The following ARAP2 variants were observed in gnomAD, a reference collection of about 807,000 sequenced individuals.
ARAP2 encodes ArfGAP with RhoGAP domain, ankyrin repeat and PH domain 2.
ARAP2 carries 148 observed loss-of-function variants against 194.5 expected under a neutral mutation model. The observed-to-expected ratio is 0.76, with a 90% CI of 0.67 to 0.87. The LOEUF (loss-of-function observed/expected upper bound fraction) is 0.87, where lower values mean the gene tolerates loss of function less well. Ranked by LOEUF, ARAP2 falls within the 40% of genes least tolerant of loss-of-function variation. ARAP2 has a pLI of 0.00. For synonymous variants in ARAP2, 695 were observed against 683.5 expected (o/e 1.02, Z -0.26); for missense variants, 2,128 against 1,989.7 (o/e 1.07, Z -1.32).
chr4:36,151,586 A>G (rs1488914343), intron 15 of ARAP2, among the ~76,000 whole-genome samples: 1 of 152,200 alleles, frequency 6.6e-6, no homozygotes, highest in Non-Finnish European at 1.5e-5. Context: ...TCTATATATT[A>G]GATATAATGG....
At chr4:36,120,794 AG>A (rs1267039379) in intron 23 of ARAP2, among the ~76,000 whole-genome samples, 1 of 151,726 alleles carries the variant, frequency 6.6e-6, no homozygotes, top group Non-Finnish European at 1.5e-5. Flanking sequence ...CACAACTAAA[AG>A]AAAAAACCAA....
intron 5 of ARAP2, among the ~76,000 whole-genome samples, chr4:36,033,680 T>C (rs763969684): frequency 2.0e-5 from 3 of 152,176 alleles, no homozygotes; most frequent in Non-Finnish European, 2.9e-5. Flanking sequence ...TATTTGCTTT[T>C]TTTGTGATTG....
At chr4:36,214,350 A>G (rs1481975742) in intron 3 of ARAP2, 72 bp downstream of exon 3, 4 of 1,313,212 alleles carry the variant, frequency 3.0e-6, no homozygotes, top group Non-Finnish European at 4.2e-6. Flanking sequence ...TGCCTTCGCA[A>G]TCATGATTTT....
chr4:36,178,802 T>C (rs1259467993), intron 8 of ARAP2, among the ~76,000 whole-genome samples: 1 of 152,182 alleles, frequency 6.6e-6, no homozygotes, highest in Non-Finnish European at 1.5e-5. Context: ...CAAGTTAGTA[T>C]TAAAGTGAGG....
intron 5 of ARAP2, among the ~76,000 whole-genome samples, chr4:36,022,064 T>C (rs995700695): frequency 4.6e-5 from 7 of 152,176 alleles, no homozygotes; most frequent in Admixed American, 2.0e-4. Flanking sequence ...TTTGTGTATC[T>C]AAACCTACGT....
chr4:36,141,560 C>T (rs958420989), intron 19 of ARAP2, among the ~76,000 whole-genome samples: 1 of 151,706 alleles, frequency 6.6e-6, no homozygotes. Flanking sequence ...TGACTATATA[C>T]AGGGGATAAT....
At chr4:36,145,285 C>T (rs1337562491) in intron 19 of ARAP2, among the ~76,000 whole-genome samples, 2 of 151,910 alleles carry the variant, frequency 1.3e-5, no homozygotes, top group African/African-American at 4.8e-5. Context: ...ACTCAAGTGC[C>T]GATCAGTGGT....
intron 3 of ARAP2, among the ~76,000 whole-genome samples, chr4:36,050,338 G>A (rs1722458879): frequency 1.3e-5 from 2 of 152,158 alleles, no homozygotes; most frequent in Admixed American, 6.6e-5. Context: ...TTTAGGTTTA[G>A]CCAATTAGTA....
intron 1 of ARAP2, among the ~76,000 whole-genome samples, chr4:36,241,276 T>C (rs1753451104): frequency 6.6e-6 from 1 of 152,240 alleles, no homozygotes; most frequent in Admixed American, 6.5e-5. Flanking sequence ...TTATAAATAG[T>C]ACTCTGACCT....
intron 10 of ARAP2, among the ~76,000 whole-genome samples, chr4:36,166,723 T>C (rs1202901107): frequency 6.6e-6 from 1 of 152,058 alleles, no homozygotes. Context: ...TCAAATTTCA[T>C]GAAATACATA....
rs1721383411 is a variant in ARAP2, at chr4:36,116,609, CACTAGTAGT to C, written c.4038+443_4038+451del. ...GAGAGATTATTATTAATTATAACAGCACTAGTAGTAATAGTTATTTATTAAACACTTACA... is the reference window on the plus strand; with the variant it reads ...GAGAGATTATTATTAATTATAACAGCAATAGTTATTTATTAAACACTTACA... On this transcript the variant is annotated intron_variant, in intron 25 of 32. Transcript: ENST00000303965. Among the ~76,000 whole-genome samples the C allele has an allele frequency of 2.0e-5, 3 of 151,912 alleles. No individual in the cohort carries two copies. In the South Asian group the frequency reaches 6.2e-4, roughly 32 times the overall value.
At chr4:36,133,712 T>TCCAGAA (rs1216649023) in intron 19 of ARAP2, among the ~76,000 whole-genome samples, 1 of 151,832 alleles carries the variant, frequency 6.6e-6, no homozygotes, top group Non-Finnish European at 1.5e-5. Context: ...TTTTAAGGTT[T>TCCAGAA]TAGAATTGTC....
At chr4:36,143,811 G>T (rs61297809) in intron 19 of ARAP2, among the ~76,000 whole-genome samples, 4 of 151,642 alleles carry the variant, frequency 2.6e-5, no homozygotes, top group African/African-American at 9.7e-5. Flanking sequence ...AAAATACTTT[G>T]AACATAACTT....
chr4:36,210,918 T>G lies in ARAP2; in HGVS notation c.1134-175A>C, dbSNP rs76309867. The stretch of plus-strand genomic sequence containing the variant: ...ACTCTTCCAGAAAAGCTAAGTAAAA[T>G]TATTTCATTAACCTATGACATCTGA... On this transcript the variant is annotated intron_variant, in intron 5 of 32. Coordinates refer to ENST00000303965, the MANE Select transcript of ARAP2 (RefSeq NM_015230.4). Among the ~76,000 whole-genome samples the G allele has an allele frequency of 3.9e-3, 599 of 152,250 alleles. 4 individuals are homozygous for G. The highest frequency in any genetic ancestry group is 0.014 in the African/African-American group (572 of 41,558).
At chr4:36,236,043 G>A (rs1055073142) in intron 1 of ARAP2, among the ~76,000 whole-genome samples, 2 of 152,018 alleles carry the variant, frequency 1.3e-5, no homozygotes, top group African/African-American at 4.8e-5. Context: ...GCCGGGTGTG[G>A]TGGTGCACAC....
intron 22 of ARAP2, among the ~76,000 whole-genome samples, chr4:36,122,981 C>T (rs913409370): frequency 6.6e-6 from 1 of 151,712 alleles, no homozygotes; most frequent in African/African-American, 2.4e-5. Flanking sequence ...GATAGCAATA[C>T]ATATGTTAAT....
At chr4:36,014,422 C>T (rs745918852) in intron 8 of ARAP2, among the ~76,000 whole-genome samples, 19 of 151,660 alleles carry the variant, frequency 1.3e-4, no homozygotes, top group Non-Finnish European at 2.5e-4. Context: ...TTCTTCTAGT[C>T]AATATTTTAT....
intron 31 of ARAP2, among the ~76,000 whole-genome samples, chr4:36,075,336 T>A (rs930796507): frequency 2.9e-4 from 44 of 152,114 alleles, no homozygotes; most frequent in African/African-American, 1.0e-3. Context: ...CTAAGAGGCA[T>A]TTTTTTCTAC....
At chr4:36,014,251 AAGAAAG>A (rs1448690616) in intron 8 of ARAP2, among the ~76,000 whole-genome samples, 6 of 140,910 alleles carry the variant, frequency 4.3e-5, no homozygotes, top group Non-Finnish European at 6.1e-5. Context: ...GAAAGAAAGA[AAGAAAG>A]AAAGAAAGAA....
Sources: gnomAD v4.1 joint callset for allele counts (sites outside exome capture counted in the v4.1 genomes callset) on GRCh38, gnomAD v4.1.1 for gene constraint, MANE v1.5 for transcripts, NCBI Gene and HGNC (gene_info 2026-07-23, HGNC 2026-07-21) for gene names.